Variants in PARD3B observed in about 807,000 individuals in gnomAD.
The protein encoded by PARD3B is partitioning defective 3 homolog B.
A neutral mutation model predicts 130.2 loss-of-function variants in PARD3B; 103 were observed. The observed-to-expected ratio is 0.79, with a 90% CI of 0.67 to 0.93. The LOEUF (loss-of-function observed/expected upper bound fraction) is 0.93. PARD3B is among the 40% of genes least tolerant of loss of function. The pLI is 0.00. For missense variants in PARD3B, 1,609 were observed against 1,499.2 expected (o/e 1.07, Z -1.21); for synonymous variants, 583 against 553.2 (o/e 1.05, Z -0.76).
chr2:205,120,294 A>C (rs2030527313), intron 7 of PARD3B, among the ~76,000 whole-genome samples: 1 of 152,172 alleles, frequency 6.6e-6, no homozygotes, highest in African/African-American at 2.4e-5. Flanking sequence ...ATAAAAATTT[A>C]GTATAGAGTT....
intron 16 of PARD3B, among the ~76,000 whole-genome samples, chr2:205,279,742 G>A (rs373591904): frequency 6.6e-6 from 1 of 152,114 alleles, no homozygotes; most frequent in African/African-American, 2.4e-5. Flanking sequence ...TTTCAGTGAA[G>A]GGACATCACT....
chr2:204,956,516 T>TTGTGTGTGTGTG (rs113818336), intron 2 of PARD3B, among the ~76,000 whole-genome samples: 8 of 148,126 alleles, frequency 5.4e-5, no homozygotes, highest in African/African-American at 1.5e-4. Flanking sequence ...GAAAAACTAC[T>TTGTGTGTGTGTG]TGTGTGTGTG....
chr2:204,921,251 A>G (rs7580403), intron 2 of PARD3B, among the ~76,000 whole-genome samples: 35,185 of 152,148 alleles, frequency 0.23, 4,535 homozygotes, highest in Non-Finnish European at 0.29. Flanking sequence ...TTTCCCATTA[A>G]AAAGAAAGTT....
chr2:205,097,959 A>G (rs1702502104), intron 4 of PARD3B, among the ~76,000 whole-genome samples: 1 of 152,130 alleles, frequency 6.6e-6, no homozygotes, highest in African/African-American at 2.4e-5. Flanking sequence ...TTCCAAAGGC[A>G]TAAAAAATAT....
chr2:205,525,441 T>C lies in PARD3B; in HGVS notation c.3180+25410T>C, dbSNP rs2051293911. On this transcript the variant is annotated intron_variant, in intron 21 of 22. Coordinates refer to ENST00000406610, the MANE Select transcript of PARD3B (RefSeq NM_001302769.2). The surrounding 1 kb of genome is among the most constrained non-coding windows in gnomAD (Gnocchi z 4.2). ...GATGTAAAAAATAATTACAATATAA[T>C]GCTGGGTGTTATGTATGCACAGTTA... Among the ~76,000 whole-genome samples, 1 of 152,182 alleles carries C rather than the reference T, an allele frequency of 6.6e-6. No individual in the cohort carries two copies. The highest frequency in any genetic ancestry group is 1.5e-5 in the Non-Finnish European group (1 of 68,028).
chr2:205,136,324 C>T (rs1183686261), intron 10 of PARD3B, among the ~76,000 whole-genome samples: 1 of 152,130 alleles, frequency 6.6e-6, no homozygotes, highest in Non-Finnish European at 1.5e-5. Context: ...TTATATAGAA[C>T]TTATTTACTT....
At chr2:204,940,485 T>G (rs1007195982) in intron 2 of PARD3B, among the ~76,000 whole-genome samples, 2 of 152,088 alleles carry the variant, frequency 1.3e-5, no homozygotes, top group African/African-American at 4.8e-5. Flanking sequence ...AGTTTTTTTT[T>G]TTTTTCTCAG....
chr2:204,830,626 A>G (rs1050857208), intron 2 of PARD3B, among the ~76,000 whole-genome samples: 3 of 152,226 alleles, frequency 2.0e-5, no homozygotes, highest in Admixed American at 1.3e-4. Context: ...AAGAAATGCT[A>G]TAAGACCAAG....
rs567900470 is a variant in PARD3B at position 205,173,910 on chromosome 2, C to T, written c.1791+1529C>T. 5.3e-5 allele frequency among the ~76,000 whole-genome samples: 8 copies of T among 152,258 alleles called. No individual in the cohort carries two copies. In the East Asian group the frequency reaches 1.2e-3, roughly 22 times the overall value. ...TGGAGAGAGTTGAAAGGATGGACTG[C>T]GAACGCCTGAGTCATCCCTTCTGTG... On this transcript the variant is annotated intron_variant, in intron 12 of 22. Coordinates refer to ENST00000406610, the MANE Select transcript of PARD3B (RefSeq NM_001302769.2).
At chr2:205,262,611 A>G (rs1278603994) in intron 16 of PARD3B, among the ~76,000 whole-genome samples, 1 of 152,138 alleles carries the variant, frequency 6.6e-6, no homozygotes, top group Admixed American at 6.5e-5. Context: ...TCCTATGACC[A>G]TAAAGTTGTT....
intron 2 of PARD3B, among the ~76,000 whole-genome samples, chr2:204,962,525 C>A (rs1239206053): frequency 6.6e-6 from 1 of 152,230 alleles, no homozygotes; most frequent in Admixed American, 6.5e-5. Context: ...GCACTAGATT[C>A]TTTAAAAACC....
chr2:205,368,593 C>A lies in PARD3B; in HGVS notation c.2631-32420C>A, dbSNP rs939511367. On this transcript the variant is annotated intron_variant, in intron 18 of 22. Transcript: ENST00000406610. ...TTTGCAGTGAGCTGAGATCGGGCCA[C>A]TGCACTCCAGCCTGGGCAACAGAGC... Among the ~76,000 whole-genome samples the A allele has an allele frequency of 1.9e-4, 29 of 152,258 alleles. 1 individual carries two copies. Among genetic ancestry groups the A allele is most frequent in the African/African-American group, 7.0e-4 (29 of 41,562 alleles).
In PARD3B at chr2:205,473,684, GTATATATA is replaced by G. The variant is rs369766633; in HGVS notation, c.3045-26193_3045-26186del. Among the ~76,000 whole-genome samples the G allele has an allele frequency of 4.4e-4, 51 of 114,620 alleles. No homozygotes were observed. Among genetic ancestry groups the G allele is most frequent in the Middle Eastern group, 4.3e-3 (1 of 234 alleles). 75.2% of individuals were successfully genotyped at this position (114,620 alleles called of 152,430 possible). On this transcript the variant is annotated intron_variant, in intron 20 of 22. Transcript: ENST00000406610. The surrounding 1 kb of genome is among the most constrained non-coding windows in gnomAD (Gnocchi z 4.9). Reference sequence around the variant, plus strand: ...TGTGTGTGTGTGTGTGTGTGTGTATGTATATATATATATATATATATATATACACACAC... The same window carrying G: ...TGTGTGTGTGTGTGTGTGTGTGTATGTATATATATATATATATACACACAC...
intron 16 of PARD3B, among the ~76,000 whole-genome samples, chr2:205,285,665 G>A (rs1433962916): frequency 2.0e-5 from 3 of 152,130 alleles, no homozygotes; most frequent in Non-Finnish European, 4.4e-5. Flanking sequence ...CGCCCACTCT[G>A]TCTCCAGGAC....
At position 204,629,474 on chromosome 2, in the gene PARD3B, C is replaced by T. The variant is rs181910874; in HGVS notation, c.121-56707C>T. Reference sequence around the variant, plus strand: ...TGTTCAGGCATCGGTTGCACAATCACGCCACAATGATTACTGCTTCCATTT... The same window carrying T: ...TGTTCAGGCATCGGTTGCACAATCATGCCACAATGATTACTGCTTCCATTT... On this transcript the variant is annotated intron_variant, in intron 1 of 22. Transcript: ENST00000406610. 2.2e-3 allele frequency among the ~76,000 whole-genome samples: 337 copies of T among 152,264 alleles called. 2 individuals are homozygous for T. Among genetic ancestry groups the T allele is most frequent in the African/African-American group, 7.6e-3 (315 of 41,542 alleles).
intron 10 of PARD3B, among the ~76,000 whole-genome samples, chr2:205,145,850 C>T (rs2033318363): frequency 6.7e-6 from 1 of 150,190 alleles, no homozygotes; most frequent in African/African-American, 2.5e-5. Context: ...ACACCTTTTC[C>T]CCCAGATTTT....
At chr2:204,944,869 A>G (rs1276955775) in intron 2 of PARD3B, among the ~76,000 whole-genome samples, 1 of 152,174 alleles carries the variant, frequency 6.6e-6, no homozygotes, top group Non-Finnish European at 1.5e-5. Context: ...CACAGGGCCT[A>G]CGTTAGAGTA....
At chr2:205,061,024 C>T (rs753289767) in intron 4 of PARD3B, among the ~76,000 whole-genome samples, 7 of 152,030 alleles carry the variant, frequency 4.6e-5, no homozygotes, top group East Asian at 1.9e-4. Flanking sequence ...CATCGGATAT[C>T]GTTATTATGA....
At chr2:205,264,494 CTTATATA>C (rs2040430031) in intron 16 of PARD3B, among the ~76,000 whole-genome samples, 2 of 150,902 alleles carry the variant, frequency 1.3e-5, no homozygotes, top group African/African-American at 4.9e-5. Flanking sequence ...GTTAAATTGA[CTTATATA>C]TTTATATTTA....
Sources: gnomAD v4.1 joint callset for allele counts (sites outside exome capture counted in the v4.1 genomes callset) on GRCh38, gnomAD v4.1.1 for gene constraint, Gnocchi (gnomAD v3.1) non-coding constraint, MANE v1.5 for transcripts, NCBI Gene and HGNC (gene_info 2026-07-23, HGNC 2026-07-21) for gene names.